PSMD9: variants seen among roughly 807,000 people sequenced by gnomAD.
PSMD9 encodes 26S proteasome non-ATPase regulatory subunit 9.
Under a neutral mutation model 25.9 loss-of-function variants are expected in PSMD9, and 26 were observed. The ratio of observed to expected loss-of-function variants is 1.00; its 90% CI spans 0.73 to 1.39. The LOEUF (loss-of-function observed/expected upper bound fraction) is 1.39, where lower values mean the gene tolerates loss of function less well. Among genes scored for constraint, PSMD9 ranks in the 40% most tolerant of loss-of-function variants. PSMD9 has a pLI of 0.00. For synonymous variants in PSMD9, 110 were observed against 114.5 expected (o/e 0.96, Z 0.25); for missense variants, 303 against 299.3 (o/e 1.01, Z -0.09).
At chr12:121,904,050 A>C (rs987579050) in intron 4 of PSMD9, among the ~76,000 whole-genome samples, 4 of 152,024 alleles carry the variant, frequency 2.6e-5, no homozygotes, top group African/African-American at 9.7e-5. Context: ...TGCACGGTTC[A>C]TCTACTTGTA....
intron 1 of PSMD9, chr12:121,894,473 CTT>C: frequency 2.6e-6 from 1 of 380,200 alleles, no homozygotes; most frequent in South Asian, 2.6e-5. Flanking sequence ...TCAAAGGAGT[CTT>C]TGGTTTTATC....
At chr12:121,910,730 G>C (rs1265705219) in intron 4 of PSMD9, among the ~76,000 whole-genome samples, 1 of 151,490 alleles carries the variant, frequency 6.6e-6, no homozygotes. Context: ...ACTGCACTCT[G>C]GCCTGGGTGA....
At chr12:121,898,139 C>T (rs186523143) in intron 2 of PSMD9, 1 of 152,294 alleles carries the variant, frequency 6.6e-6, no homozygotes, top group Non-Finnish European at 1.5e-5. Flanking sequence ...TCTTTTCCCA[C>T]ATCTGCTCCT....
At chr12:121,902,520 G>C (rs1053666898) in intron 3 of PSMD9, 1 of 159,816 alleles carries the variant, frequency 6.3e-6, no homozygotes, top group Non-Finnish European at 1.4e-5. Context: ...GTGGTGGTCT[G>C]TCTTCTTAGG....
chr12:121,915,715 A>G (rs1879876772), intron 4 of PSMD9, 141 bp from the exon 5 acceptor site: 2 of 746,192 alleles, frequency 2.7e-6, no homozygotes, highest in Non-Finnish European at 4.4e-6. Flanking sequence ...CACGTTCCCC[A>G]CCCTCTCGCC....
At chr12:121,901,281 TA>T (rs1277703440) in intron 3 of PSMD9, among the ~76,000 whole-genome samples, 3 of 152,192 alleles carry the variant, frequency 2.0e-5, no homozygotes, top group Non-Finnish European at 4.4e-5. Flanking sequence ...AATCATATAA[TA>T]TGTGACCTTT....
intron 1 of PSMD9, 153 bp from the exon 2 acceptor site, chr12:121,894,586 G>C (rs546069236): frequency 2.9e-5 from 19 of 652,394 alleles, no homozygotes; most frequent in Non-Finnish European, 4.9e-5. Context: ...TAGTTGTGAG[G>C]GCATGAGTAG....
chr12:121,903,015 G>C lies in PSMD9; in HGVS notation c.463G>C (p.Val155Leu). 1 of 1,613,966 alleles carries C rather than the reference G, an allele frequency of 6.2e-7. No homozygotes were observed. The highest frequency in any genetic ancestry group is 8.5e-7 in the Non-Finnish European group (1 of 1,179,896). The change falls in exon 4 of 6, where the codon GTG (valine) becomes CTG (leucine). Residue 155 changes from valine to leucine, a missense_variant. Physicochemically the swap from Val to Leu is conservative, Grantham distance 32. Transcript: ENST00000541212. ...TTCCTTCCCTCTCCAGGGTCTGCAA[G>C]TGGATGATGAGATTGTGGAGTTCGG... ...GSPASIAGLQ[V>L]DDEIVEFGSV...
In PSMD9 at chr12:121,916,170, C is replaced by T. The variant is rs188620272; in HGVS notation, c.645-114C>T. ...CTCTCCAGTTCATTCATGCACTAGG[C>T]ATTTGCTTTAAAAGAATGAAAGAAC... is the stretch of plus-strand genomic sequence containing the variant. On this transcript the variant is annotated intron_variant, in intron 5 of 5. Transcript: ENST00000541212. 2.5e-3 allele frequency: 3,425 copies of T among 1,383,784 alleles called. 15 individuals carry two copies. The highest frequency in any genetic ancestry group is 7.9e-3 in the Middle Eastern group (44 of 5,586). The allele number at this position is 1,383,784 out of a possible 1,614,324, so 85.7% of individuals were successfully genotyped here.
intron 4 of PSMD9, 25 bp downstream of exon 4, chr12:121,903,132 G>A (rs767538593): frequency 1.4e-5 from 22 of 1,587,800 alleles, no homozygotes; most frequent in African/African-American, 4.0e-5. Context: ...CTGGTGTCTC[G>A]GTCTGTTTGG....
chr12:121,914,553 AG>A (rs1281455013), intron 4 of PSMD9: 3 of 148,102 alleles, frequency 2.0e-5, no homozygotes, highest in African/African-American at 7.5e-5. Flanking sequence ...CTCAAAAAAA[AG>A]AAAGTAATAC....
At chr12:121,901,422 C>T (rs1879392066) in intron 3 of PSMD9, among the ~76,000 whole-genome samples, 1 of 152,140 alleles carries the variant, frequency 6.6e-6, no homozygotes, top group South Asian at 2.1e-4. Flanking sequence ...CATCATAGCT[C>T]ACTGCAACCT....
At chr12:121,916,160 A>G in intron 5 of PSMD9, 124 bp from the exon 6 acceptor site, 1 of 1,344,746 alleles carries the variant, frequency 7.4e-7, no homozygotes, top group South Asian at 1.2e-5. Context: ...CAGTTCATTC[A>G]TGCACTAGGC....
At chr12:121,896,136 A>T (rs1462104765) in intron 2 of PSMD9, among the ~76,000 whole-genome samples, 1 of 152,184 alleles carries the variant, frequency 6.6e-6, no homozygotes, top group Admixed American at 6.5e-5. Flanking sequence ...AAAAAAAAAA[A>T]AAATCTGTTT....
rs1004341337 is a variant in PSMD9 at position 121,916,598 on chromosome 12, GATT to G, written c.*300_*302del. The stretch of plus-strand genomic sequence containing the variant: ...AAGTTATTCTGGCAGGTACTGGTGT[GATT>G]ATTATTATTATTTTTAATAAAGAGT... On this transcript the variant is annotated 3_prime_UTR_variant, in exon 6 of 6. Transcript: ENST00000541212. 44 of 425,850 alleles carry G rather than the reference GATT, an allele frequency of 1.0e-4. No individual in the cohort carries two copies. The highest frequency in any genetic ancestry group is 3.5e-4 in the African/African-American group (18 of 50,972). The allele number at this position is 425,850 out of a possible 1,614,324, so 26.4% of individuals were successfully genotyped here.
chr12:121,900,207 G>A (rs483416), intron 3 of PSMD9, among the ~76,000 whole-genome samples: 44,449 of 151,956 alleles, frequency 0.29, 6,864 homozygotes, highest in East Asian at 0.51. Context: ...ATCTTATGTG[G>A]TGTCTTAAAA....
chr12:121,902,999 T>C lies in PSMD9; in HGVS notation c.454-7T>C, dbSNP rs762522753. The C allele has an allele frequency of 6.2e-7, 1 of 1,612,928 alleles. No homozygotes were observed. Among genetic ancestry groups the C allele is most frequent in the Non-Finnish European group, 8.5e-7 (1 of 1,179,050 alleles). On this transcript the variant is annotated splice_polypyrimidine_tract_variant and splice_region_variant and intron_variant, in intron 3 of 5. Coordinates refer to ENST00000541212, the MANE Select transcript of PSMD9 (RefSeq NM_002813.7). The stretch of plus-strand genomic sequence containing the variant: ...GCCTGATTTTCCATTTTTCCTTCCC[T>C]CTCCAGGGTCTGCAAGTGGATGATG...
Position 121,915,964 on chromosome 12 carries a change from T to G in PSMD9, c.644+20T>G, listed in dbSNP as rs747636817. 6.9e-6 allele frequency: 11 copies of G among 1,603,320 alleles called. No individual in the cohort carries two copies. The South Asian group carries it at 1.1e-4, about 16-fold the overall frequency. On this transcript the variant is annotated intron_variant, in intron 5 of 5. Transcript: ENST00000541212. ...GCTGGGGTAAAGTATCTGTTTCTGT[T>G]CATTCTCACTGGGGCATCATTTGAG...
intron 1 of PSMD9, among the ~76,000 whole-genome samples, chr12:121,891,924 A>T (rs1453443527): frequency 7.2e-6 from 1 of 139,580 alleles, no homozygotes; most frequent in Non-Finnish European, 1.6e-5. Context: ...AAAAAAAAAA[A>T]GAAGTGGACA....
Sources: allele counts gnomAD v4.1 joint callset (sites outside exome capture counted in the v4.1 genomes callset), GRCh38; gene constraint gnomAD v4.1.1; transcripts MANE v1.5; gene names NCBI Gene and HGNC (gene_info 2026-07-23, HGNC 2026-07-21).